PCDH15: variants seen among roughly 807,000 people sequenced by gnomAD.
The protein encoded by PCDH15 is protocadherin related 15, also known as protocadherin-15.
In PCDH15, 129 loss-of-function variants were observed where a neutral mutation model predicts 178.5. That is an observed-to-expected ratio of 0.72 (90% CI 0.63 to 0.84). The LOEUF (loss-of-function observed/expected upper bound fraction) is 0.84. Ranked by LOEUF, PCDH15 falls within the 40% of genes least tolerant of loss-of-function variation. The probability of loss-of-function intolerance (pLI) is 0.00; values close to 1 mark genes in which losing one functional copy is unlikely to be tolerated. For synonymous variants in PCDH15, 800 were observed against 732.0 expected (o/e 1.09, Z -1.50); for missense variants, 2,230 against 2,099.9 (o/e 1.06, Z -1.21).
chr10:55,367,087 C>T (rs1845380633), intron 2 of PCDH15, among the ~76,000 whole-genome samples: 1 of 152,044 alleles, frequency 6.6e-6, no homozygotes, highest in Non-Finnish European at 1.5e-5. Context: ...TCTACATCAT[C>T]TTCCACATAT....
intron 2 of PCDH15, among the ~76,000 whole-genome samples, chr10:55,041,123 C>G (rs1244897060): frequency 6.6e-6 from 1 of 151,924 alleles, no homozygotes; most frequent in Non-Finnish European, 1.5e-5. Context: ...TAACCCTAAC[C>G]CCATGTCTAT....
chr10:54,040,782 T>C (rs2093525160), intron 18 of PCDH15, among the ~76,000 whole-genome samples: 1 of 152,082 alleles, frequency 6.6e-6, no homozygotes, highest in Non-Finnish European at 1.5e-5. Context: ...AATGTGATTT[T>C]TTGAATTCTC....
intron 21 of PCDH15, among the ~76,000 whole-genome samples, chr10:53,976,338 G>A (rs975209607): frequency 6.6e-6 from 1 of 152,068 alleles, no homozygotes; most frequent in Non-Finnish European, 1.5e-5. Flanking sequence ...ACTGAGTTGT[G>A]AGAGTATAAA....
chr10:55,115,562 C>G (rs1837610909), intron 2 of PCDH15, among the ~76,000 whole-genome samples: 2 of 152,108 alleles, frequency 1.3e-5, no homozygotes, highest in South Asian at 2.1e-4. Flanking sequence ...GGTTGTATAA[C>G]CAAGGTGTCA....
chr10:54,350,254 C>T (rs1211017388), intron 5 of PCDH15, among the ~76,000 whole-genome samples: 3 of 152,108 alleles, frequency 2.0e-5, no homozygotes, highest in Non-Finnish European at 4.4e-5. Flanking sequence ...TCCCTAATTT[C>T]ACAAATATGG....
intron 2 of PCDH15, among the ~76,000 whole-genome samples, chr10:55,497,739 G>T (rs1022197707): frequency 2.6e-5 from 4 of 151,842 alleles, no homozygotes; most frequent in Non-Finnish European, 5.9e-5. Context: ...AACCCATTTT[G>T]TAAGAATCTT....
intron 2 of PCDH15, among the ~76,000 whole-genome samples, chr10:54,934,789 T>C (rs550844644): frequency 2.0e-5 from 3 of 151,978 alleles, no homozygotes; most frequent in East Asian, 3.9e-4. Context: ...CGTATGTTTA[T>C]TGCGGCACTA....
At position 53,825,142 on chromosome 10, in the gene PCDH15, C is replaced by T. The variant is rs868176515; in HGVS notation, c.4367+2251G>A. The T allele has an allele frequency of 7.1e-6, 11 of 1,541,124 alleles. No individual in the cohort carries two copies. The highest frequency in any genetic ancestry group is 9.6e-6 in the Non-Finnish European group (11 of 1,141,580). ...AGTGATATTATTTACTTACTTATGC[C>T]TATGTATCCACAGGTGAGAAACAGA... On this transcript the variant is annotated intron_variant, in intron 32 of 37. Transcript: ENST00000644397.
intron 2 of PCDH15, among the ~76,000 whole-genome samples, chr10:55,533,488 T>A (rs1319861802): frequency 1.3e-5 from 2 of 151,720 alleles, no homozygotes; most frequent in African/African-American, 4.8e-5. Context: ...TAGCCGCAAA[T>A]AAAATGAAAT....
intron 2 of PCDH15, among the ~76,000 whole-genome samples, chr10:55,423,510 T>C (rs897291447): frequency 6.6e-6 from 1 of 152,052 alleles, no homozygotes; most frequent in South Asian, 2.1e-4. Context: ...TATATGCCTA[T>C]AGTCACACTA....
chr10:54,468,480 G>A (rs182048443), intron 3 of PCDH15, among the ~76,000 whole-genome samples: 67 of 151,740 alleles, frequency 4.4e-4, no homozygotes, highest in Admixed American at 7.2e-4. Context: ...CAAAGTTCTT[G>A]TTATTTTTTA....
At chr10:55,401,382 T>A (rs1411765207) in intron 2 of PCDH15, among the ~76,000 whole-genome samples, 1 of 152,020 alleles carries the variant, frequency 6.6e-6, no homozygotes, top group African/African-American at 2.4e-5. Flanking sequence ...ACATAATTCG[T>A]AGTCATATGG....
At chr10:55,257,843 C>G (rs1279459774) in intron 1 of PCDH15, among the ~76,000 whole-genome samples, 1 of 152,004 alleles carries the variant, frequency 6.6e-6, no homozygotes, top group Non-Finnish European at 1.5e-5. Flanking sequence ...GCAAGGCAGG[C>G]CAACATTCAA....
intron 8 of PCDH15, among the ~76,000 whole-genome samples, chr10:54,314,289 C>CA (rs1246429653): frequency 2.0e-5 from 3 of 151,958 alleles, no homozygotes; most frequent in South Asian, 2.1e-4. Flanking sequence ...TCGAATGAAA[C>CA]AAAAATGCAC....
At chr10:54,427,192 C>G (rs546346958) in intron 3 of PCDH15, among the ~76,000 whole-genome samples, 1 of 147,602 alleles carries the variant, frequency 6.8e-6, no homozygotes, top group African/African-American at 2.5e-5. Context: ...GTGTTTCTTT[C>G]TCAAGTAAGC....
intron 3 of PCDH15, among the ~76,000 whole-genome samples, chr10:54,392,592 T>G (rs780188208): frequency 6.6e-6 from 1 of 151,510 alleles, no homozygotes; most frequent in African/African-American, 2.4e-5. Context: ...CATAATTCTA[T>G]ATTTTGCTCC....
chr10:55,606,387 A>G (rs1159954968), intron 2 of PCDH15, among the ~76,000 whole-genome samples: 17 of 133,594 alleles, frequency 1.3e-4, no homozygotes, highest in African/African-American at 5.1e-4. Flanking sequence ...ACAGAATTGG[A>G]AAAAACTACT....
At chr10:54,485,883 C>G (rs2079065858) in intron 3 of PCDH15, among the ~76,000 whole-genome samples, 2 of 151,962 alleles carry the variant, frequency 1.3e-5, no homozygotes, top group African/African-American at 4.8e-5. Flanking sequence ...CTTTAAAGCT[C>G]TTTTGTAGTG....
At chr10:54,881,977 T>A (rs566694860) in intron 3 of PCDH15, among the ~76,000 whole-genome samples, 1 of 152,252 alleles carries the variant, frequency 6.6e-6, no homozygotes, top group Non-Finnish European at 1.5e-5. Flanking sequence ...ATAAGTGCCA[T>A]GAGGGCAAAT....
Sources: allele counts gnomAD v4.1 joint callset (sites outside exome capture counted in the v4.1 genomes callset), GRCh38; gene constraint gnomAD v4.1.1; transcripts MANE v1.5; gene names NCBI Gene and HGNC (gene_info 2026-07-23, HGNC 2026-07-21).